The following QKI variants were observed in gnomAD, a reference collection of about 807,000 sequenced individuals.
The protein encoded by QKI is KH domain-containing RNA-binding protein QKI.
In QKI, 10 loss-of-function variants were observed where a neutral mutation model predicts 39.0. That is an observed-to-expected ratio of 0.26 (90% CI 0.16 to 0.43). The LOEUF is 0.43. Among genes scored for constraint, QKI ranks in the 20% least tolerant of loss-of-function variants. The pLI is 1.00. For missense variants in QKI, 218 were observed against 428.0 expected (o/e 0.51, Z 4.33); for synonymous variants, 204 against 155.4 (o/e 1.31, Z -2.33).
At chr6:163,473,444 C>T (rs1792352715) in intron 2 of QKI, among the ~76,000 whole-genome samples, 2 of 152,270 alleles carry the variant, frequency 1.3e-5, no homozygotes, top group South Asian at 4.1e-4. Flanking sequence ...GAATTATGGT[C>T]ATTTTTGAAA....
chr6:163,545,860 T>C (rs1238290163), intron 4 of QKI, among the ~76,000 whole-genome samples: 1 of 151,688 alleles, frequency 6.6e-6, no homozygotes, highest in Non-Finnish European at 1.5e-5. Flanking sequence ...ATTTATACCC[T>C]AGGAAATATT....
chr6:163,542,125 A>G (rs183466136), intron 4 of QKI, among the ~76,000 whole-genome samples: 1 of 152,096 alleles, frequency 6.6e-6, no homozygotes, highest in East Asian at 1.9e-4. Context: ...TACAAGGAAT[A>G]GTAGCCCCCC....
chr6:163,417,843 T>C (rs1787652187), intron 1 of QKI, among the ~76,000 whole-genome samples: 2 of 152,190 alleles, frequency 1.3e-5, no homozygotes, highest in South Asian at 4.1e-4. Context: ...AGTTTGATTG[T>C]TTTTTATCAG....
chr6:163,532,253 G>C (rs1456523499), intron 3 of QKI, among the ~76,000 whole-genome samples: 1 of 152,012 alleles, frequency 6.6e-6, no homozygotes, highest in Non-Finnish European at 1.5e-5. Flanking sequence ...CATTGTATTA[G>C]TATCTATATG....
intron 3 of QKI, among the ~76,000 whole-genome samples, chr6:163,533,251 G>C (rs908532553): frequency 6.6e-6 from 1 of 152,092 alleles, no homozygotes; most frequent in Non-Finnish European, 1.5e-5. Context: ...GCCACAGTTA[G>C]AGATATTAAT....
At chr6:163,428,657 A>G (rs899138867) in intron 1 of QKI, among the ~76,000 whole-genome samples, 1 of 152,116 alleles carries the variant, frequency 6.6e-6, no homozygotes, top group African/African-American at 2.4e-5. Flanking sequence ...AATTGTTGAA[A>G]TACTGCTCAT....
chr6:163,442,570 A>G (rs1390225705), intron 1 of QKI, among the ~76,000 whole-genome samples: 2 of 152,194 alleles, frequency 1.3e-5, no homozygotes, highest in Non-Finnish European at 2.9e-5. Flanking sequence ...TTAGAGCTGT[A>G]ATGTTAGGGC....
At chr6:163,541,423 G>A (rs547008389) in intron 4 of QKI, among the ~76,000 whole-genome samples, 1 of 151,278 alleles carries the variant, frequency 6.6e-6, no homozygotes, top group Admixed American at 6.6e-5. Flanking sequence ...GAATTCTGCA[G>A]TAGTTGCGTG....
chr6:163,518,494 A>G (rs1263693272), intron 3 of QKI, among the ~76,000 whole-genome samples: 1 of 152,194 alleles, frequency 6.6e-6, no homozygotes, highest in Non-Finnish European at 1.5e-5. Flanking sequence ...GAGAAGAGCC[A>G]CAGACTCATT....
chr6:163,431,776 T>C (rs1005750389), intron 1 of QKI, among the ~76,000 whole-genome samples: 2 of 151,324 alleles, frequency 1.3e-5, no homozygotes, highest in African/African-American at 4.9e-5. Flanking sequence ...TAGCATTTTA[T>C]TTGGAAGGCC....
At chr6:163,482,708 G>C (rs1282204013) in intron 3 of QKI, among the ~76,000 whole-genome samples, 1 of 152,286 alleles carries the variant, frequency 6.6e-6, no homozygotes, top group African/African-American at 2.4e-5. Context: ...AAGACATGTG[G>C]GAAGGGGCTC....
At chr6:163,559,988 T>C (rs189388197) in intron 4 of QKI, among the ~76,000 whole-genome samples, 2 of 152,316 alleles carry the variant, frequency 1.3e-5, no homozygotes, top group Non-Finnish European at 2.9e-5. Context: ...GTTCTATCTC[T>C]ACACAGACTT....
chr6:163,564,095 G>A lies in QKI; in HGVS notation c.934+376G>A, dbSNP rs1783203788. The stretch of plus-strand genomic sequence containing the variant: ...ATTTGAGATTTATTTTATCTCACAG[G>A]TTTGTGTAATTGTTGGAAAATTTTT... On this transcript the variant is annotated intron_variant, in intron 6 of 7. Coordinates refer to ENST00000361752, the MANE Select transcript of QKI (RefSeq NM_006775.3). 6.6e-6 allele frequency: 7 copies of A among 1,056,674 alleles called. No individual in the cohort carries two copies. In the South Asian group the frequency reaches 2.0e-4, roughly 30 times the overall value. The allele number at this position is 1,056,674 out of a possible 1,614,324, so 65.5% of individuals were successfully genotyped here. A position where few individuals can be genotyped will look rare whatever the true frequency, so the allele number is the denominator to read the frequency against.
intron 4 of QKI, among the ~76,000 whole-genome samples, chr6:163,551,658 C>A (rs934125791): frequency 2.6e-5 from 4 of 152,222 alleles, no homozygotes; most frequent in African/African-American, 9.6e-5. Flanking sequence ...TACCGCTACT[C>A]TTCTTTGAGG....
At chr6:163,566,866 C>G (rs902652841) in intron 7 of QKI, 71 bp downstream of exon 7, 2 of 1,567,864 alleles carry the variant, frequency 1.3e-6, no homozygotes, top group Non-Finnish European at 8.7e-7. Context: ...AACACCACAC[C>G]TGATGGAAAA....
chr6:163,463,540 T>A (rs1004467264), intron 2 of QKI, among the ~76,000 whole-genome samples: 1 of 152,198 alleles, frequency 6.6e-6, no homozygotes, highest in Admixed American at 6.5e-5. Flanking sequence ...TAACCAGTTA[T>A]AACCAAAATT....
At chr6:163,519,813 T>A (rs564886642) in intron 3 of QKI, among the ~76,000 whole-genome samples, 57 of 152,256 alleles carry the variant, frequency 3.7e-4, no homozygotes, top group Admixed American at 9.2e-4. Flanking sequence ...TTTATATAGT[T>A]GTTATATAAA....
intron 3 of QKI, among the ~76,000 whole-genome samples, chr6:163,519,385 G>C (rs1780015569): frequency 6.6e-6 from 1 of 152,094 alleles, no homozygotes; most frequent in South Asian, 2.1e-4. Flanking sequence ...GGGGACCTCA[G>C]AGATCGTGCC....
chr6:163,505,346 C>T (rs536377405), intron 3 of QKI, among the ~76,000 whole-genome samples: 2 of 152,312 alleles, frequency 1.3e-5, no homozygotes, highest in East Asian at 3.9e-4. Flanking sequence ...GGGCCACCAT[C>T]CTCCAGACCC....
Sources: allele counts gnomAD v4.1 joint callset (sites outside exome capture counted in the v4.1 genomes callset), GRCh38; gene constraint gnomAD v4.1.1; transcripts MANE v1.5; gene names NCBI Gene and HGNC (gene_info 2026-07-23, HGNC 2026-07-21).